BCKDHB: variants seen among roughly 807,000 people sequenced by gnomAD.
BCKDHB encodes the protein 2-oxoisovalerate dehydrogenase subunit beta, mitochondrial.
A neutral mutation model predicts 48.5 loss-of-function variants in BCKDHB; 41 were observed. The observed-to-expected ratio is 0.85, with a 90% CI of 0.66 to 1.10. The LOEUF is 1.10. Among genes scored for constraint, BCKDHB ranks in the 50% least tolerant of loss-of-function variants. The pLI, the probability that BCKDHB is intolerant of heterozygous loss-of-function variation, is 0.00. For missense variants in BCKDHB, 496 were observed against 494.2 expected, an observed-to-expected ratio of 1.00 and a Z score of -0.03; for synonymous variants, 201 against 174.8, an observed-to-expected ratio of 1.15 and a Z score of -1.18.
At chr6:80,263,144 GA>G (rs1777374076) in intron 8 of BCKDHB, among the ~76,000 whole-genome samples, 1 of 152,086 alleles carries the variant, frequency 6.6e-6, no homozygotes, top group Non-Finnish European at 1.5e-5. Flanking sequence ...TTGACCTTAA[GA>G]TTTTTGTGCC....
At chr6:80,244,228 C>CTG (rs142169337) in intron 8 of BCKDHB, among the ~76,000 whole-genome samples, 30 of 151,090 alleles carry the variant, frequency 2.0e-4, no homozygotes, top group South Asian at 8.3e-4. Flanking sequence ...AGTCTGGGGA[C>CTG]TGTGTGTGTG....
At chr6:80,457,002 T>G in the BCKDHB span, among the ~76,000 whole-genome samples, 2 of 152,224 alleles carry the variant, frequency 1.3e-5, no homozygotes, top group Non-Finnish European at 2.9e-5. Context: ...TTTTAAATAA[T>G]AAATCAATTA....
At chr6:80,200,731 A>G (rs1347628850) in intron 6 of BCKDHB, among the ~76,000 whole-genome samples, 1 of 152,028 alleles carries the variant, frequency 6.6e-6, no homozygotes, top group African/African-American at 2.4e-5. Flanking sequence ...GATATGTTTT[A>G]TACATTTATA....
At chr6:80,136,695 T>A (rs1770904166) in intron 3 of BCKDHB, among the ~76,000 whole-genome samples, 1 of 152,028 alleles carries the variant, frequency 6.6e-6, no homozygotes, top group Admixed American at 6.6e-5. Flanking sequence ...TACTTGCAAA[T>A]CATGTATCAG....
chr6:80,418,249 G>T, the BCKDHB span, among the ~76,000 whole-genome samples: 1 of 151,790 alleles, frequency 6.6e-6, no homozygotes, highest in Non-Finnish European at 1.5e-5. Flanking sequence ...GTAGCTCAAT[G>T]ATCTTTGTTC....
chr6:80,198,219 C>A (rs374876033), intron 6 of BCKDHB, among the ~76,000 whole-genome samples: 2 of 152,074 alleles, frequency 1.3e-5, no homozygotes, highest in Non-Finnish European at 2.9e-5. Context: ...TGTGAGCCAA[C>A]GAAATGCTGT....
chr6:80,188,426 A>G (rs1773745537), intron 6 of BCKDHB, among the ~76,000 whole-genome samples: 1 of 152,116 alleles, frequency 6.6e-6, no homozygotes, highest in Non-Finnish European at 1.5e-5. Context: ...CGCTTGAGCC[A>G]AGGGTTTGAG....
chr6:80,279,999 A>G (rs1325618678), intron 9 of BCKDHB, among the ~76,000 whole-genome samples: 3 of 152,208 alleles, frequency 2.0e-5, no homozygotes, highest in East Asian at 1.9e-4. Flanking sequence ...AGAATGAACT[A>G]TATGAATAAG....
At chr6:80,221,171 G>A (rs994253005) in intron 8 of BCKDHB, among the ~76,000 whole-genome samples, 1 of 152,094 alleles carries the variant, frequency 6.6e-6, no homozygotes, top group Admixed American at 6.5e-5. Flanking sequence ...CTGCTCATGA[G>A]CTCATCTTCT....
At chr6:80,149,441 C>A (rs571894974) in intron 3 of BCKDHB, among the ~76,000 whole-genome samples, 1 of 152,240 alleles carries the variant, frequency 6.6e-6, no homozygotes, top group African/African-American at 2.4e-5. Context: ...ACTAGAAATA[C>A]CATTTGACCC....
chr6:80,401,227 T>A, the BCKDHB span, among the ~76,000 whole-genome samples: 2 of 151,842 alleles, frequency 1.3e-5, no homozygotes. Context: ...AAAGATTTTT[T>A]AAAATTAAAA....
At chr6:80,444,235 T>C in the BCKDHB span, among the ~76,000 whole-genome samples, 13 of 152,068 alleles carry the variant, frequency 8.5e-5, no homozygotes, top group African/African-American at 3.1e-4. Flanking sequence ...GACTTGTAGA[T>C]GTTTGGAAGT....
chr6:80,219,988 T>G (rs1775340127), intron 8 of BCKDHB, among the ~76,000 whole-genome samples: 1 of 152,192 alleles, frequency 6.6e-6, no homozygotes, highest in African/African-American at 2.4e-5. Context: ...CAGGTGTGAA[T>G]CTAAATATGA....
intron 1 of BCKDHB, among the ~76,000 whole-genome samples, chr6:80,111,158 A>G (rs775930380): frequency 6.6e-6 from 1 of 152,216 alleles, no homozygotes; most frequent in South Asian, 2.1e-4. Flanking sequence ...TTCCATTCCC[A>G]TAATGGTCGT....
chr6:80,185,319 T>A (rs1055438619), intron 6 of BCKDHB, among the ~76,000 whole-genome samples: 27 of 152,166 alleles, frequency 1.8e-4, no homozygotes, highest in Non-Finnish European at 8.8e-5. Flanking sequence ...TTCATCCATA[T>A]CCTGCACTGT....
chr6:80,151,485 G>A (rs1771775903), intron 3 of BCKDHB, among the ~76,000 whole-genome samples: 2 of 147,426 alleles, frequency 1.4e-5, no homozygotes, highest in Non-Finnish European at 3.0e-5. Context: ...AAACTGTATT[G>A]CATTTGGGAC....
At chr6:80,309,364 C>CA (rs1474995301) in intron 9 of BCKDHB, among the ~76,000 whole-genome samples, 1 of 152,174 alleles carries the variant, frequency 6.6e-6, no homozygotes, top group East Asian at 1.9e-4. Flanking sequence ...CATGCCCAGC[C>CA]AAAAGTATAG....
intron 6 of BCKDHB, among the ~76,000 whole-genome samples, chr6:80,183,534 C>T (rs1338557147): frequency 2.0e-5 from 3 of 152,154 alleles, no homozygotes; most frequent in African/African-American, 7.2e-5. Context: ...GCATAGCCTT[C>T]CCCATTGCCA....
At chr6:80,178,904 C>T (rs1773288013) in intron 6 of BCKDHB, among the ~76,000 whole-genome samples, 3 of 152,166 alleles carry the variant, frequency 2.0e-5, no homozygotes, top group Admixed American at 6.5e-5. Flanking sequence ...TATTTTGCAT[C>T]CCACCTAATT....
Sources: allele counts gnomAD v4.1 joint callset (sites outside exome capture counted in the v4.1 genomes callset), GRCh38; gene constraint gnomAD v4.1.1; transcripts MANE v1.5; gene names NCBI Gene and HGNC (gene_info 2026-07-23, HGNC 2026-07-21).